Variants in GLIS3 observed in about 807,000 individuals in gnomAD.
GLIS3 encodes the protein GLIS family zinc finger 3.
In GLIS3, 53 loss-of-function variants were observed where a neutral mutation model predicts 78.6. That is an observed-to-expected ratio of 0.67 (90% confidence interval 0.54 to 0.85). The LOEUF (loss-of-function observed/expected upper bound fraction) is 0.85. GLIS3 is among the 40% of genes least tolerant of loss of function. The pLI, the probability that GLIS3 is intolerant of heterozygous loss-of-function variation, is 0.00. For missense variants in GLIS3, 1,703 were observed against 1,231.1 expected (o/e 1.38, Z -5.74); for synonymous variants, 684 against 509.9 (o/e 1.34, Z -4.60).
chr9:4,391,318 G>A, the GLIS3 span, among the ~76,000 whole-genome samples: 3 of 152,156 alleles, frequency 2.0e-5, no homozygotes, highest in Admixed American at 1.3e-4. Context: ...ATTTTTCTGT[G>A]AGAAAAGCAA....
chr9:4,408,192 G>A, the GLIS3 span, among the ~76,000 whole-genome samples: 1 of 151,986 alleles, frequency 6.6e-6, no homozygotes, highest in East Asian at 1.9e-4. Flanking sequence ...CAACCACTAC[G>A]GAGAACAGCA....
intron 2 of GLIS3, among the ~76,000 whole-genome samples, chr9:4,164,340 G>A (rs906205158): frequency 5.3e-4 from 81 of 152,306 alleles, no homozygotes; most frequent in African/African-American, 1.8e-3. Flanking sequence ...AGAGGACTTT[G>A]CTTTCAGTTT....
At chr9:4,121,331 G>C (rs961901006) in intron 3 of GLIS3, among the ~76,000 whole-genome samples, 7 of 152,148 alleles carry the variant, frequency 4.6e-5, no homozygotes, top group African/African-American at 1.4e-4. Flanking sequence ...GCATCTGTGG[G>C]TGTTATATTC....
the GLIS3 span, among the ~76,000 whole-genome samples, chr9:4,370,886 T>C: frequency 2.0e-5 from 3 of 152,010 alleles, no homozygotes; most frequent in Admixed American, 2.0e-4. Context: ...CACAAATTAG[T>C]GAAACCTCAG....
At chr9:4,084,401 GA>G (rs565510761) in intron 4 of GLIS3, among the ~76,000 whole-genome samples, 2 of 152,032 alleles carry the variant, frequency 1.3e-5, no homozygotes, top group South Asian at 2.1e-4. Context: ...GCAAGGAGAG[GA>G]AAAAATAATG....
At chr9:4,257,707 G>A (rs1365952246) in intron 2 of GLIS3, among the ~76,000 whole-genome samples, 1 of 151,790 alleles carries the variant, frequency 6.6e-6, no homozygotes, top group Non-Finnish European at 1.5e-5. Flanking sequence ...CCAAGTAGCT[G>A]GGACTACAGG....
chr9:4,202,736 T>C (rs538441356), intron 2 of GLIS3, among the ~76,000 whole-genome samples: 1 of 152,278 alleles, frequency 6.6e-6, no homozygotes, highest in Non-Finnish European at 1.5e-5. Flanking sequence ...CCCTATTAAA[T>C]AAATGATACT....
chr9:4,484,625 C>G, the GLIS3 span, among the ~76,000 whole-genome samples: 13 of 152,012 alleles, frequency 8.6e-5, no homozygotes, highest in Non-Finnish European at 1.8e-4. Flanking sequence ...CCATGTTGGC[C>G]AGGCTAGGCT....
chr9:4,288,777 A>G (rs1364424199), intron 1 of GLIS3, among the ~76,000 whole-genome samples: 2 of 152,202 alleles, frequency 1.3e-5, no homozygotes, highest in East Asian at 3.8e-4. Context: ...TTTATTACTA[A>G]GAAAGCAACA....
intron 2 of GLIS3, among the ~76,000 whole-genome samples, chr9:4,278,380 G>A (rs1372280006): frequency 6.6e-6 from 1 of 152,132 alleles, no homozygotes; most frequent in East Asian, 1.9e-4. Context: ...ATAAAAGTGA[G>A]CCTAGAACAT....
At chr9:4,213,830 G>A (rs1446995871) in intron 2 of GLIS3, among the ~76,000 whole-genome samples, 1 of 151,498 alleles carries the variant, frequency 6.6e-6, no homozygotes, top group African/African-American at 2.4e-5. Flanking sequence ...ATCTATAATG[G>A]GCCTAGTAGT....
intron 4 of GLIS3, among the ~76,000 whole-genome samples, chr9:4,043,339 C>T (rs956920471): frequency 3.3e-5 from 5 of 151,912 alleles, no homozygotes; most frequent in African/African-American, 1.2e-4. Context: ...GGTGGGAGAT[C>T]AGGGTGAGGT....
chr9:4,346,304 C>T (rs973399176), intron 2 of GLIS3, among the ~76,000 whole-genome samples: 1 of 152,142 alleles, frequency 6.6e-6, no homozygotes, highest in East Asian at 1.9e-4. Context: ...TAGCTTTCAA[C>T]AGCACTTTCT....
chr9:4,222,597 A>G (rs1821425480), intron 2 of GLIS3, among the ~76,000 whole-genome samples: 1 of 152,242 alleles, frequency 6.6e-6, no homozygotes, highest in Non-Finnish European at 1.5e-5. Context: ...CAGTGTCATT[A>G]TCTAATGTCA....
At chr9:3,850,414 T>C (rs1217268191) in intron 9 of GLIS3, among the ~76,000 whole-genome samples, 1 of 152,256 alleles carries the variant, frequency 6.6e-6, no homozygotes, top group Non-Finnish European at 1.5e-5. Flanking sequence ...TTCTCTTCTC[T>C]TGCTATTCCA....
At position 4,210,943 on chromosome 9, in the gene GLIS3, T is replaced by C. The variant is rs532441935; in HGVS notation, c.388+75095A>G. Among the ~76,000 whole-genome samples the C allele has an allele frequency of 6.6e-5, 10 of 152,356 alleles. No homozygotes were observed. The East Asian group carries it at 1.9e-3, about 29-fold the overall frequency. ...AGCTTCCCTGACAGCTTTAGCTCCA[T>C]GGGCCATCCTCTGCGCAGAGTTTCC... On this transcript the variant is annotated intron_variant, in intron 2 of 10. Transcript: ENST00000381971.
At chr9:4,211,893 T>A (rs1269290596) in intron 2 of GLIS3, among the ~76,000 whole-genome samples, 1 of 152,206 alleles carries the variant, frequency 6.6e-6, no homozygotes, top group East Asian at 1.9e-4. Context: ...CTTGAAAACA[T>A]TTTTCTAAGT....
intron 4 of GLIS3, among the ~76,000 whole-genome samples, chr9:4,306,730 C>T (rs1446066703): frequency 6.6e-6 from 1 of 152,216 alleles, no homozygotes. Context: ...TGTTATGACT[C>T]CTACCTTGGA....
intron 2 of GLIS3, among the ~76,000 whole-genome samples, chr9:4,226,718 T>G (rs1295636062): frequency 3.3e-5 from 5 of 152,236 alleles, no homozygotes; most frequent in African/African-American, 9.7e-5. Flanking sequence ...GCAAGTTACT[T>G]AATTCTCCTG....
Sources: allele counts gnomAD v4.1 joint callset (sites outside exome capture counted in the v4.1 genomes callset), GRCh38; gene constraint gnomAD v4.1.1; transcripts MANE v1.5; gene names NCBI Gene and HGNC (gene_info 2026-07-23, HGNC 2026-07-21).